ULBP1: variants seen among roughly 807,000 people sequenced by gnomAD.
The protein encoded by ULBP1 is UL16 binding protein 1.
A neutral mutation model predicts 25.3 loss-of-function variants in ULBP1; 28 were observed. The observed-to-expected ratio is 1.10, with a 90% confidence interval of 0.82 to 1.51. The LOEUF (loss-of-function observed/expected upper bound fraction) is 1.51. Among genes scored for constraint, ULBP1 ranks in the 40% most tolerant of loss-of-function variants. ULBP1 has a pLI of 0.00. For missense variants in ULBP1, 348 were observed against 290.9 expected (o/e 1.20, Z -1.43); for synonymous variants, 129 against 103.0 (o/e 1.25, Z -1.53).
intron 1 of ULBP1, among the ~76,000 whole-genome samples, chr6:149,964,682 C>T (rs1469375499): frequency 6.8e-6 from 1 of 148,108 alleles, no homozygotes; most frequent in African/African-American, 2.5e-5. Flanking sequence ...CCCTCCGCGG[C>T]TCCTTTCCGC....
rs967204069 is a variant in ULBP1 at position 149,973,067 on chromosome 6, G to T, written c.*1721G>T. 6.6e-6 allele frequency: 1 copy of T among 152,136 alleles called. No individual in the cohort carries two copies. Among genetic ancestry groups the T allele is most frequent in the Admixed American group, 6.5e-5 (1 of 15,280 alleles). The allele number at this position is 152,136 out of a possible 1,614,324, so 9.4% of individuals were successfully genotyped here. On this transcript the variant is annotated 3_prime_UTR_variant, in exon 5 of 5. Transcript: ENST00000229708. ...TGCTATTCTCACCAGCAAGGACAGA[G>T]AATCAATCTAAGTGCCCAACAACAG...
At chr6:149,969,670 C>A (rs955532583) in intron 3 of ULBP1, among the ~76,000 whole-genome samples, 4 of 152,216 alleles carry the variant, frequency 2.6e-5, no homozygotes, top group African/African-American at 9.6e-5. Flanking sequence ...ATCACCTTTT[C>A]TTTCCTCTCC....
chr6:149,969,099 C>T lies in ULBP1; in HGVS notation c.364C>T (p.Gln122Ter). 1 of 1,614,200 alleles carries T rather than the reference C, an allele frequency of 6.2e-7. No individual in the cohort carries two copies. The highest frequency in any genetic ancestry group is 1.1e-5 in the South Asian group (1 of 91,076). The change falls in exon 3 of 5, where the codon CAG becomes TAG. Residue 122 changes from glutamine to a stop codon, truncating the protein, a stop_gained. Transcript: ENST00000229708. LOFTEE classifies it high-confidence loss of function. The part of the protein sequence containing the change: ...NLIPIEPLTL[Q>*]ARMSCEHEAH... ...CAATGGGGCAGAGCCCCTCACCCTGCAGGCCAGGATGTCTTGTGAGCATGA... is the reference window on the plus strand; with the variant it reads ...CAATGGGGCAGAGCCCCTCACCCTGTAGGCCAGGATGTCTTGTGAGCATGA...
In ULBP1 at chr6:149,968,990, T is replaced by C. The variant is rs539863006; in HGVS notation, c.350-95T>C. The C allele has an allele frequency of 2.0e-4, 310 of 1,559,846 alleles. No homozygotes were observed. In the African/African-American group the frequency reaches 2.7e-3, roughly 14 times the overall value. On this transcript the variant is annotated intron_variant, in intron 2 of 4. Coordinates refer to ENST00000229708, the MANE Select transcript of ULBP1 (RefSeq NM_025218.4). ...AAGAGGTTGAGGAGCATGGGCCGGA[T>C]GCAGCAGAGAGAGCAAGTCCAGGAG...
chr6:149,970,598 G>A (rs1004651490), intron 4 of ULBP1, among the ~76,000 whole-genome samples: 1 of 152,258 alleles, frequency 6.6e-6, no homozygotes, highest in African/African-American at 2.4e-5. Context: ...CCAGGACGAG[G>A]GAGCTGTGAG....
intron 1 of ULBP1, among the ~76,000 whole-genome samples, chr6:149,966,952 A>T (rs1433764899): frequency 1.3e-5 from 2 of 152,170 alleles, no homozygotes; most frequent in Admixed American, 1.3e-4. Context: ...TCCAGGGTCA[A>T]ATAGCTGTAT....
Position 149,969,307 on chromosome 6 carries a change from A to G in ULBP1, c.572A>G (p.Lys191Arg). 2 of 1,614,216 alleles carry G rather than the reference A, an allele frequency of 1.2e-6. No homozygotes were observed. Among genetic ancestry groups the G allele is most frequent in the Non-Finnish European group, 1.7e-6 (2 of 1,180,010 alleles). ...CAGAAGATTTCACTGGGGGATTGTA[A>G]GATGTGGCTTGAAGAATTTTTGATG... Reference protein sequence around the residue: ...FFQKISLGDCKMWLEEFLMYW... With the variant: ...FFQKISLGDCRMWLEEFLMYW... Residue 191 changes from lysine (K) to arginine (R), a missense_variant, in exon 3 of 5, where the codon AAG becomes AGG. Physicochemically the swap from Lys to Arg is conservative, Grantham distance 26. Transcript: ENST00000229708.
Position 149,972,796 on chromosome 6 carries a change from C to T in ULBP1, c.*1450C>T, listed in dbSNP as rs1265702269. 6.6e-6 allele frequency: 1 copy of T among 152,160 alleles called. No individual in the cohort carries two copies. The highest frequency in any genetic ancestry group is 1.5e-5 in the Non-Finnish European group (1 of 68,030). The allele number at this position is 152,160 out of a possible 1,614,324, so 9.4% of individuals were successfully genotyped here. ...ATCAGATAAGTGCAAATCAAAACTG[C>T]AATGAGTTACCATCTCTTACCAGTC... On this transcript the variant is annotated 3_prime_UTR_variant, in exon 5 of 5. Coordinates refer to ENST00000229708, the MANE Select transcript of ULBP1 (RefSeq NM_025218.4).
Position 149,969,297 on chromosome 6 carries a change from G to A in ULBP1, c.562G>A (p.Gly188Arg), listed in dbSNP as rs1380627593. 1.2e-6 allele frequency: 2 copies of A among 1,614,120 alleles called. No individual in the cohort carries two copies. The highest frequency in any genetic ancestry group is 1.3e-5 in the African/African-American group (1 of 74,934). The change falls in exon 3 of 5, where the codon GGG becomes AGG. Residue 188 changes from glycine to arginine, a missense_variant. Coordinates refer to ENST00000229708, the MANE Select transcript of ULBP1 (RefSeq NM_025218.4). Reference protein sequence around the residue: ...VTMFFQKISLGDCKMWLEEFL... With the variant: ...VTMFFQKISLRDCKMWLEEFL... ...CATGTTCTTCCAGAAGATTTCACTGGGGGATTGTAAGATGTGGCTTGAAGA... is the reference window on the plus strand; with the variant it reads ...CATGTTCTTCCAGAAGATTTCACTGAGGGATTGTAAGATGTGGCTTGAAGA...
intron 1 of ULBP1, among the ~76,000 whole-genome samples, chr6:149,966,133 C>A (rs2114707745): frequency 6.6e-6 from 1 of 152,272 alleles, no homozygotes; most frequent in South Asian, 2.1e-4. Context: ...CAAACCCTTT[C>A]TAGAAAGGAA....
intron 1 of ULBP1, among the ~76,000 whole-genome samples, chr6:149,967,820 A>G (rs953672325): frequency 4.0e-5 from 6 of 151,484 alleles, no homozygotes; most frequent in African/African-American, 1.5e-4. Flanking sequence ...CCTACCCCCA[A>G]CCCCGGCCTT....
chr6:149,963,987 G>T lies in ULBP1; in HGVS notation c.-63G>T, dbSNP rs954390894. On this transcript the variant is annotated 5_prime_UTR_variant, in exon 1 of 5. Transcript: ENST00000229708. Reference sequence around the variant, plus strand: ...GCCGGGCTGGGCAGCTTTATAAACAGCCGTGGTGTGAGCCTCGAAGGGAAC... The same window carrying T: ...GCCGGGCTGGGCAGCTTTATAAACATCCGTGGTGTGAGCCTCGAAGGGAAC... The T allele has an allele frequency of 5.1e-6, 8 of 1,558,854 alleles. No individual in the cohort carries two copies. The African/African-American group carries it at 1.1e-4, about 21-fold the overall frequency.
intron 1 of ULBP1, 84 bp downstream of exon 1, chr6:149,964,218 C>A: frequency 1.3e-6 from 2 of 1,483,850 alleles, no homozygotes; most frequent in Non-Finnish European, 1.9e-6. Flanking sequence ...GGAGGGGAGG[C>A]TTCTGGAAGG....
At chr6:149,968,309 T>C (rs971156682) in intron 1 of ULBP1, among the ~76,000 whole-genome samples, 5 of 152,154 alleles carry the variant, frequency 3.3e-5, no homozygotes, top group East Asian at 3.9e-4. Context: ...CCTGCCACAA[T>C]AGGCCTGGCA....
chr6:149,970,043 C>T lies in ULBP1; in HGVS notation c.653C>T (p.Thr218Ile). 2 of 1,613,406 alleles carry T rather than the reference C, an allele frequency of 1.2e-6. No individual in the cohort carries two copies. Among genetic ancestry groups the T allele is most frequent in the Non-Finnish European group, 1.7e-6 (2 of 1,179,722 alleles). The change falls in exon 4 of 5, where the codon ACC (threonine) becomes ATC (isoleucine). Residue 218 changes from threonine (T) to isoleucine (I), a missense_variant. Transcript: ENST00000229708. The part of the protein sequence containing the change: ...TKPPSLAPGT[T>I]QPKAMATTLS... ...CCACCCTCTCTGGCCCCAGGCACAA[C>T]CCAACCCAAGGCCATGGCCACCACC... is the stretch of plus-strand genomic sequence containing the variant.
chr6:149,969,299 G>A lies in ULBP1; in HGVS notation c.564G>A (p.Gly188=), dbSNP rs1249259329. The A allele has an allele frequency of 1.2e-6, 2 of 1,614,096 alleles. No homozygotes were observed. The highest frequency in any genetic ancestry group is 1.3e-5 in the African/African-American group (1 of 74,922). The change falls in exon 3 of 5, where the codon GGG becomes GGA. Residue 188 remains glycine, a synonymous_variant. Transcript: ENST00000229708. The stretch of plus-strand genomic sequence containing the variant: ...TGTTCTTCCAGAAGATTTCACTGGG[G>A]GATTGTAAGATGTGGCTTGAAGAAT... The part of the protein sequence containing the change: ...VTMFFQKISL[G]DCKMWLEEFL...
Position 149,964,107 on chromosome 6 carries a change from T to G in ULBP1, c.58T>G (p.Ser20Ala), listed in dbSNP as rs1779151509. ...GTGCCTCCCGCTTCTGCACCTGCTG[T>G]CTGGCTGGTCCCGGGCAGGATGGGT... ...LLCLPLLHLL[S>A]GWSRAGWVDT... Residue 20 changes from serine (S) to alanine (A), a missense_variant, in exon 1 of 5, where the codon TCT (serine) becomes GCT (alanine). Ser to Ala is a moderately conservative substitution (Grantham distance 99). Transcript: ENST00000229708. 1 of 1,614,210 alleles carries G rather than the reference T, an allele frequency of 6.2e-7. No individual in the cohort carries two copies. The highest frequency in any genetic ancestry group is 8.5e-7 in the Non-Finnish European group (1 of 1,180,024).
chr6:149,970,559 G>A (rs1779296648), intron 4 of ULBP1, among the ~76,000 whole-genome samples: 1 of 152,252 alleles, frequency 6.6e-6, no homozygotes, highest in African/African-American at 2.4e-5. Context: ...CCCTGGAGGA[G>A]GCTAAGAAGA....
chr6:149,969,435 G>A, intron 3 of ULBP1, 75 bp downstream of exon 3: 2 of 1,558,306 alleles, frequency 1.3e-6, no homozygotes, highest in African/African-American at 1.4e-5. Flanking sequence ...GTGAGTGCGT[G>A]TGTGTGTGTG....
Sources: allele counts gnomAD v4.1 joint callset (sites outside exome capture counted in the v4.1 genomes callset), GRCh38; gene constraint gnomAD v4.1.1; transcripts MANE v1.5; gene names NCBI Gene and HGNC (gene_info 2026-07-23, HGNC 2026-07-21).